The following CCSER1 variants were observed in gnomAD, a reference collection of about 807,000 sequenced individuals.
CCSER1 encodes coiled-coil serine rich protein 1.
CCSER1 carries 41 observed loss-of-function variants against 82.0 expected under a neutral mutation model. The observed-to-expected ratio is 0.50, with a 90% CI of 0.39 to 0.65. The LOEUF is 0.65. Ranked by LOEUF, CCSER1 falls within the 30% of genes least tolerant of loss-of-function variation. The pLI is 0.00. For synonymous variants in CCSER1, 414 were observed against 383.9 expected, an observed-to-expected ratio of 1.08 and a Z score of -0.92; for missense variants, 1,119 against 1,064.2, an observed-to-expected ratio of 1.05 and a Z score of -0.72.
chr4:90,536,395 G>A (rs1775366527), intron 5 of CCSER1, among the ~76,000 whole-genome samples: 1 of 152,088 alleles, frequency 6.6e-6, no homozygotes, highest in Admixed American at 6.5e-5. Context: ...GCGATAATTA[G>A]CCTATTTGCA....
Position 91,014,294 on chromosome 4 carries a change from T to TA in CCSER1, c.2173-71650dup, listed in dbSNP as rs1739242859. Among the ~76,000 whole-genome samples, 3 of 134,166 alleles carry TA rather than the reference T, an allele frequency of 2.2e-5. 1 individual carries two copies. The South Asian group carries it at 7.2e-4, about 32-fold the overall frequency. 88.0% of individuals were successfully genotyped at this position (134,166 alleles called of 152,430 possible). A position where few individuals can be genotyped will look rare whatever the true frequency, so the allele number is the denominator to read the frequency against. ...CTTTCCAACATTGACATATGAAAAT[T>TA]AAAAAAGCAAAACTTATAAGGACCA... On this transcript the variant is annotated intron_variant, in intron 9 of 10. Coordinates refer to ENST00000509176, the MANE Select transcript of CCSER1 (RefSeq NM_001145065.2).
At chr4:91,469,960 A>G (rs1486554326) in intron 10 of CCSER1, among the ~76,000 whole-genome samples, 1 of 152,196 alleles carries the variant, frequency 6.6e-6, no homozygotes, top group African/African-American at 2.4e-5. Context: ...ATAAGCTATG[A>G]AACTCATTCC....
At chr4:91,130,785 T>A (rs187510136) in intron 10 of CCSER1, among the ~76,000 whole-genome samples, 1 of 151,942 alleles carries the variant, frequency 6.6e-6, no homozygotes, top group Admixed American at 6.6e-5. Context: ...TAACCAATTA[T>A]CTTACATAAA....
chr4:90,426,739 G>A (rs576184500), intron 4 of CCSER1, among the ~76,000 whole-genome samples: 1 of 152,186 alleles, frequency 6.6e-6, no homozygotes, highest in Admixed American at 6.5e-5. Context: ...TAAAGAGTTT[G>A]TTCTTCACAA....
intron 7 of CCSER1, among the ~76,000 whole-genome samples, chr4:90,755,623 A>G (rs547008193): frequency 6.6e-6 from 1 of 152,336 alleles, no homozygotes; most frequent in South Asian, 2.1e-4. Flanking sequence ...TAGATAACAA[A>G]TGGACAAATT....
chr4:90,476,295 C>G (rs1376311527), intron 5 of CCSER1, among the ~76,000 whole-genome samples: 1 of 152,154 alleles, frequency 6.6e-6, no homozygotes, highest in South Asian at 2.1e-4. Context: ...GCCTTCACCA[C>G]TCACTCTGTC....
At chr4:90,272,668 C>T (rs1242448475) in intron 1 of CCSER1, among the ~76,000 whole-genome samples, 1 of 152,116 alleles carries the variant, frequency 6.6e-6, no homozygotes, top group East Asian at 1.9e-4. Flanking sequence ...TCACATTTAT[C>T]AACTGATGAA....
chr4:90,611,035 G>T (rs1785405744), intron 5 of CCSER1, among the ~76,000 whole-genome samples: 1 of 134,318 alleles, frequency 7.4e-6, no homozygotes, highest in African/African-American at 3.1e-5. Flanking sequence ...CCGCCACCAT[G>T]CCTGGCTAAT....
chr4:90,756,236 AAATT>A (rs1749504951), intron 7 of CCSER1, among the ~76,000 whole-genome samples: 1 of 152,152 alleles, frequency 6.6e-6, no homozygotes, highest in Non-Finnish European at 1.5e-5. Context: ...TCAAAAAAAC[AAATT>A]AATAAGTAAA....
At chr4:90,253,345 A>C (rs1722721823) in intron 1 of CCSER1, among the ~76,000 whole-genome samples, 1 of 152,086 alleles carries the variant, frequency 6.6e-6, no homozygotes, top group African/African-American at 2.4e-5. Flanking sequence ...ACTTGCTTTC[A>C]GCTTGAAGAA....
At chr4:90,276,238 CTTTCTTTCTTTCTTT>C (rs1727614732) in intron 1 of CCSER1, among the ~76,000 whole-genome samples, 1 of 111,104 alleles carries the variant, frequency 9.0e-6, no homozygotes, top group African/African-American at 3.6e-5. Flanking sequence ...TTCTTTCTTT[CTTTCTTTCTTTCTTT>C]CCTTCCTTCC....
chr4:90,210,073 G>T (rs563374748), intron 1 of CCSER1, among the ~76,000 whole-genome samples: 1 of 152,002 alleles, frequency 6.6e-6, no homozygotes, highest in Non-Finnish European at 1.5e-5. Context: ...CTAACTGGAG[G>T]AATCTCTTTT....
chr4:90,973,268 A>G (rs1213666414), intron 9 of CCSER1, among the ~76,000 whole-genome samples: 2 of 151,782 alleles, frequency 1.3e-5, no homozygotes, highest in South Asian at 2.1e-4. Flanking sequence ...CAAGCTATCC[A>G]TCCCATAAGG....
intron 9 of CCSER1, among the ~76,000 whole-genome samples, chr4:91,046,787 G>A (rs766795705): frequency 4.6e-5 from 7 of 151,768 alleles, no homozygotes; most frequent in Non-Finnish European, 7.4e-5. Flanking sequence ...GCACGATCTC[G>A]GCTCACTACA....
At chr4:90,932,341 C>A (rs928925215) in intron 9 of CCSER1, among the ~76,000 whole-genome samples, 1 of 152,032 alleles carries the variant, frequency 6.6e-6, no homozygotes, top group Admixed American at 6.6e-5. Flanking sequence ...TGAATTTAAA[C>A]TATCACATTA....
chr4:91,418,042 T>C (rs1046800713), intron 10 of CCSER1, among the ~76,000 whole-genome samples: 5 of 151,810 alleles, frequency 3.3e-5, no homozygotes, highest in Admixed American at 6.6e-5. Context: ...AAAAGAATAT[T>C]GAAACATAAC....
intron 8 of CCSER1, among the ~76,000 whole-genome samples, chr4:90,848,256 A>T (rs1018503313): frequency 6.6e-6 from 1 of 152,222 alleles, no homozygotes; most frequent in Admixed American, 6.5e-5. Context: ...CACAACTATG[A>T]GACAGTGGAA....
chr4:90,560,548 T>G (rs1025508764), intron 5 of CCSER1, among the ~76,000 whole-genome samples: 2 of 152,188 alleles, frequency 1.3e-5, no homozygotes, highest in Admixed American at 1.3e-4. Flanking sequence ...CTACCCATTA[T>G]AAAGACAATG....
chr4:91,325,986 GT>G (rs10718334), intron 10 of CCSER1, among the ~76,000 whole-genome samples: 114,562 of 149,420 alleles, frequency 0.77, 44,200 homozygotes, highest in East Asian at 0.88. Context: ...GAGTAGCTTT[GT>G]TTTTTTTTTT....
Sources: allele counts gnomAD v4.1 joint callset (sites outside exome capture counted in the v4.1 genomes callset), GRCh38; gene constraint gnomAD v4.1.1; transcripts MANE v1.5; gene names NCBI Gene and HGNC (gene_info 2026-07-23, HGNC 2026-07-21).